PKD1: variants seen among roughly 807,000 people sequenced by gnomAD.
PKD1 encodes polycystin 1, transient receptor potential channel interacting, also known as polycystin-1.
Under a neutral mutation model 361.7 loss-of-function variants are expected in PKD1, and 81 were observed. That is an observed-to-expected ratio of 0.22 (90% CI 0.19 to 0.27). The LOEUF is 0.27. Among genes scored for constraint, PKD1 ranks in the 10% least tolerant of loss-of-function variants. PKD1 has a pLI of 1.00. For missense variants in PKD1, 6,399 were observed against 6,118.3 expected (o/e 1.05, Z -1.53); for synonymous variants, 3,615 against 2,818.3 (o/e 1.28, Z -8.95).
At position 2,107,746 on chromosome 16, in the gene PKD1, G is replaced by A. The variant is rs559965347; in HGVS notation, c.7065+137C>T. On this transcript the variant is annotated intron_variant, in intron 16 of 45. Coordinates refer to ENST00000262304, the MANE Select transcript of PKD1 (RefSeq NM_001009944.3). ...GGAAGCAAAGCTGAAGCAGGCTGTC[G>A]TGTTACATAGAATTTGCATCAGAAA... The A allele has an allele frequency of 1.0e-4, 81 of 803,426 alleles. No homozygotes were observed. In the Middle Eastern group the frequency reaches 1.4e-3, roughly 14 times the overall value. The allele number at this position is 803,426 out of a possible 1,614,324, so 49.8% of individuals were successfully genotyped here.
At chr16:2,114,044 C>T (rs899051165) in intron 11 of PKD1, 126 bp downstream of exon 11, 11 of 831,770 alleles carry the variant, frequency 1.3e-5, no homozygotes, top group African/African-American at 6.7e-5. Context: ...AGGACCTGCC[C>T]GGGGCCGACG....
At chr16:2,103,004 G>A in intron 23 of PKD1, 34 bp from the exon 24 acceptor site, 1 of 1,598,228 alleles carries the variant, frequency 6.3e-7, no homozygotes. Flanking sequence ...ACGCCTGCCG[G>A]GAAGCTCAAC....
At chr16:2,104,473 T>A (rs750463381) in intron 22 of PKD1, 25 bp downstream of exon 22, 21 of 1,430,242 alleles carry the variant, frequency 1.5e-5, no homozygotes, top group Non-Finnish European at 2.0e-5. Context: ...GGCGGGCGGG[T>A]GGCATGGGGC....
Position 2,109,222 on chromosome 16 carries a change from G to C in PKD1, c.5945C>G (p.Pro1982Arg), listed in dbSNP as rs1358403431. 1.9e-6 allele frequency: 3 copies of C among 1,592,084 alleles called. No homozygotes were observed. The highest frequency in any genetic ancestry group is 1.7e-5 in the Admixed American group (1 of 59,560). Residue 1982 changes from proline to arginine, a missense_variant, in exon 15 of 46, where the codon CCT (proline) becomes CGT (arginine). Coordinates refer to ENST00000262304, the MANE Select transcript of PKD1 (RefSeq NM_001009944.3). ...CCTCTCAGTGCCCGTGGCGATGCCA[G>C]GCTCGCAGCAGTTGGGCACCTGCAG... Reference protein sequence around the residue: ...SGLQVPNCCEPGIATGTERNF... With the variant: ...SGLQVPNCCERGIATGTERNF...
rs1443461442 is a variant in PKD1, at chr16:2,111,549, C to A, written c.3618G>T (p.Val1206=). The change falls in exon 15 of 46, where the codon GTG becomes GTT. Residue 1206 remains valine, a synonymous_variant. Coordinates refer to ENST00000262304, the MANE Select transcript of PKD1 (RefSeq NM_001009944.3). ...TVSGAAAQAD[V]RVFEELRGLS... Reference sequence around the variant, plus strand: ...GTCCGCGGAGCTCCTCAAAGACGCGCACATCCGCCTGGGCCGCCGCACCGC... The same window carrying A: ...GTCCGCGGAGCTCCTCAAAGACGCGAACATCCGCCTGGGCCGCCGCACCGC... 6.3e-7 allele frequency: 1 copy of A among 1,593,868 alleles called. No individual in the cohort carries two copies. Among genetic ancestry groups the A allele is most frequent in the African/African-American group, 1.3e-5 (1 of 74,550 alleles).
chr16:2,096,877 A>G (rs910436730), intron 34 of PKD1: 26 of 543,524 alleles, frequency 4.8e-5, no homozygotes, highest in Middle Eastern at 9.7e-4. Context: ...CAAGATAAAA[A>G]CGTGGCCCCG....
At chr16:2,126,140 T>C (rs1050596378) in intron 1 of PKD1, among the ~76,000 whole-genome samples, 6 of 152,170 alleles carry the variant, frequency 3.9e-5, no homozygotes, top group Non-Finnish European at 7.4e-5. Context: ...CAGCCAATGA[T>C]GGTACGAGCC....
chr16:2,110,184 G>T lies in PKD1; in HGVS notation c.4983C>A (p.Asn1661Lys). The T allele has an allele frequency of 6.2e-7, 1 of 1,611,232 alleles. No individual in the cohort carries two copies. Among genetic ancestry groups the T allele is most frequent in the East Asian group, 2.2e-5 (1 of 44,880 alleles). Residue 1661 changes from asparagine (N) to lysine (K), a missense_variant, in exon 15 of 46, where the codon AAC (asparagine) becomes AAA (lysine). Coordinates refer to ENST00000262304, the MANE Select transcript of PKD1 (RefSeq NM_001009944.3). ...QLQAVVRDGT[N>K]VSYSWTAWRD... ...TCCAGGCAGTCCAGCTGTAGGAGACGTTGGTGCCATCCCTAACCACGGCCT... is the reference window on the plus strand; with the variant it reads ...TCCAGGCAGTCCAGCTGTAGGAGACTTTGGTGCCATCCCTAACCACGGCCT...
chr16:2,131,212 G>A (rs2092874113), intron 1 of PKD1, among the ~76,000 whole-genome samples: 1 of 152,140 alleles, frequency 6.6e-6, no homozygotes, highest in South Asian at 2.1e-4. Context: ...GAAGCTCCTA[G>A]ACATCATCGG....
chr16:2,109,662 C>T lies in PKD1; in HGVS notation c.5505G>A (p.Val1835=), dbSNP rs764747210. ...CGCCGGGCACAGCCCAGCACCAGCT[C>T]ACATTGGTGCCCGTGGCCAGCTGCC... ...FWGQLATGTN[V]SWCWAVPGGS... The change falls in exon 15 of 46, where the codon GTG becomes GTA. Residue 1835 remains valine, a synonymous_variant. Transcript: ENST00000262304. 24 of 1,588,340 alleles carry T rather than the reference C, an allele frequency of 1.5e-5. No homozygotes were observed. In the Admixed American group the frequency reaches 2.0e-4, roughly 13 times the overall value.
intron 30 of PKD1, chr16:2,098,815 C>G (rs2091962397): frequency 1.4e-5 from 2 of 138,488 alleles, no homozygotes; most frequent in South Asian, 2.3e-4. Context: ...TGAGCCTGAG[C>G]TTTTCTTTGT....
Position 2,110,679 on chromosome 16 carries a change from G to A in PKD1, c.4488C>T (p.Ala1496=). The change falls in exon 15 of 46, where the codon GCC becomes GCT. Residue 1496 remains alanine, a synonymous_variant. Coordinates refer to ENST00000262304, the MANE Select transcript of PKD1 (RefSeq NM_001009944.3). ...LFSAVGRGRP[A]SYLWDLGDGG... ...CGTCCCCCAGATCCCACAGGTAGCT[G>A]GCGGGGCGCCCACGGCCCACAGCAG... The A allele has an allele frequency of 6.2e-7, 1 of 1,610,364 alleles. No homozygotes were observed.
intron 38 of PKD1, 149 bp downstream of exon 38, chr16:2,092,805 C>T (rs925002243): frequency 6.1e-6 from 6 of 990,148 alleles, no homozygotes; most frequent in African/African-American, 4.8e-5. Context: ...CTGTGTCCCT[C>T]CCCTCTGCCT....
In PKD1 at chr16:2,110,836, G is replaced by A. The variant is rs1369678043; in HGVS notation, c.4331C>T (p.Thr1444Ile). Residue 1444 changes from threonine to isoleucine, a missense_variant, in exon 15 of 46, where the codon ACA becomes ATA. Thr to Ile is a moderately conservative substitution (Grantham distance 89). Transcript: ENST00000262304. The stretch of plus-strand genomic sequence containing the variant: ...AGAGATGTTGTTGGACGCGGTGACT[G>A]TCACAAGATAGGAGCCTGGGTCTCG... ...IYRDPGSYLVTVTASNNISAA... is the reference protein window; with the variant it reads ...IYRDPGSYLVIVTASNNISAA... 1.2e-6 allele frequency: 2 copies of A among 1,611,700 alleles called. No homozygotes were observed. The highest frequency in any genetic ancestry group is 2.7e-5 in the African/African-American group (2 of 74,914).
intron 26 of PKD1, 110 bp downstream of exon 26, chr16:2,101,951 T>G: frequency 1.4e-6 from 1 of 720,322 alleles, no homozygotes; most frequent in Non-Finnish European, 2.5e-6. Flanking sequence ...CACACAGCAC[T>G]GCAAAAACTG....
At position 2,097,179 on chromosome 16, in the gene PKD1, T is replaced by C. The variant is rs1289506902; in HGVS notation, c.10468A>G (p.Thr3490Ala). ...CTGAGCAGGTCCGTTTCCATGTGGG[T>C]GTCTTGGGTAGGGGCTGGGCTGCTG... ...GVSSPAPTQD[T>A]HMETDLLSSL... The change falls in exon 34 of 46, where the codon ACC (threonine) becomes GCC (alanine). Residue 3490 changes from threonine (T) to alanine (A), a missense_variant. By Grantham distance (58) the Thr-to-Ala change is moderately conservative. Coordinates refer to ENST00000262304, the MANE Select transcript of PKD1 (RefSeq NM_001009944.3). The C allele has an allele frequency of 9.0e-6, 14 of 1,553,908 alleles. No individual in the cohort carries two copies. Among genetic ancestry groups the C allele is most frequent in the Non-Finnish European group, 9.6e-6 (11 of 1,149,584 alleles).
At chr16:2,113,775 A>G in intron 11 of PKD1, 1 of 388,764 alleles carries the variant, frequency 2.6e-6, no homozygotes, top group South Asian at 2.4e-5. Context: ...TCCCCCATGT[A>G]CCCAGCATGG....
intron 1 of PKD1, among the ~76,000 whole-genome samples, chr16:2,122,366 T>G (rs550495989): frequency 6.0e-4 from 92 of 152,196 alleles, no homozygotes; most frequent in African/African-American, 2.0e-3. Context: ...GGGGAGAGGA[T>G]CTGGGGGCCA....
In PKD1 at chr16:2,102,948, A is replaced by C. The variant is rs3204450; in HGVS notation, c.8814T>G (p.Pro2938=). Residue 2938 remains proline (P), a synonymous_variant, in exon 24 of 46, where the codon CCT becomes CCG. Transcript: ENST00000262304. ...LLDGHYLSEE[P]EPYLAVYLHS... is the part of the protein sequence containing the mutation. ...GTAGGTAGACTGCCAGGTAGGGCTC[A>C]GGTTCCTCAGACAGGTAGTGGCCTG... 5.6e-6 allele frequency: 9 copies of C among 1,606,976 alleles called. No homozygotes were observed. The highest frequency in any genetic ancestry group is 6.8e-6 in the Non-Finnish European group (8 of 1,179,746).
Sources: allele counts gnomAD v4.1 joint callset (sites outside exome capture counted in the v4.1 genomes callset), GRCh38; gene constraint gnomAD v4.1.1; transcripts MANE v1.5; gene names NCBI Gene and HGNC (gene_info 2026-07-23, HGNC 2026-07-21).